The following RABL6 variants were observed in gnomAD, a reference collection of about 807,000 sequenced individuals.
RABL6 encodes RAB, member RAS oncogene family like 6, also known as rab-like protein 6.
RABL6 carries 28 observed loss-of-function variants against 72.9 expected under a neutral mutation model. The ratio of observed to expected loss-of-function variants is 0.38; its 90% CI spans 0.28 to 0.53. The LOEUF (loss-of-function observed/expected upper bound fraction) is 0.53. RABL6 is among the 20% of genes least tolerant of loss of function. The pLI is 0.80. For missense variants in RABL6, 1,029 were observed against 1,008.4 expected (o/e 1.02, Z -0.28); for synonymous variants, 477 against 421.2 (o/e 1.13, Z -1.62).
intron 1 of RABL6, chr9:136,821,655 G>C (rs1848240398): frequency 2.0e-6 from 2 of 989,176 alleles, no homozygotes; most frequent in Non-Finnish European, 2.4e-6. Context: ...GGCCCGTCTC[G>C]GGCCTCCCGC....
chr9:136,823,445 C>G, intron 1 of RABL6, 80 bp from the exon 2 acceptor site: 4 of 1,554,400 alleles, frequency 2.6e-6, no homozygotes, highest in Non-Finnish European at 3.5e-6. Context: ...AGAACCGGCT[C>G]TCCTTGTAGT....
chr9:136,828,454 AG>A, intron 3 of RABL6, 39 bp from the exon 4 acceptor site: 3 of 1,608,580 alleles, frequency 1.9e-6, no homozygotes, highest in Non-Finnish European at 2.5e-6. Flanking sequence ...CCCAAGGCCC[AG>A]GGGTTCCACC....
chr9:136,821,763 C>G, intron 1 of RABL6: 1 of 1,155,472 alleles, frequency 8.7e-7, no homozygotes. Context: ...GGCTGGAGGG[C>G]GCTGCAGGCG....
intron 1 of RABL6, among the ~76,000 whole-genome samples, chr9:136,812,552 T>G (rs910058481): frequency 6.6e-6 from 1 of 151,676 alleles, no homozygotes; most frequent in Non-Finnish European, 1.5e-5. Context: ...GAGTGAGACT[T>G]CGTCTTAAAA....
intron 1 of RABL6, among the ~76,000 whole-genome samples, chr9:136,816,397 G>C (rs1049496688): frequency 2.0e-5 from 3 of 151,596 alleles, no homozygotes; most frequent in Non-Finnish European, 2.9e-5. Flanking sequence ...GAGCCACTGC[G>C]ACCAGCCTAA....
At chr9:136,839,969 G>A (rs1032414348) in intron 13 of RABL6, 104 bp downstream of exon 13, 2 of 1,510,144 alleles carry the variant, frequency 1.3e-6, no homozygotes, top group African/African-American at 2.8e-5. Flanking sequence ...CTGAGTCCAG[G>A]ATGCTGTGCC....
chr9:136,827,086 C>T (rs1349741613), intron 3 of RABL6: 1 of 152,216 alleles, frequency 6.6e-6, no homozygotes. Context: ...TCTGGGGTTA[C>T]ATGTGTACCC....
intron 7 of RABL6, among the ~76,000 whole-genome samples, chr9:136,834,980 A>C (rs1366397920): frequency 1.3e-5 from 2 of 151,984 alleles, no homozygotes; most frequent in Non-Finnish European, 2.9e-5. Flanking sequence ...CAAAAAAAAA[A>C]AAAGGAGAGG....
In RABL6 at chr9:136,834,675, T is replaced by C. The variant is rs1448282233; in HGVS notation, c.706-1067T>C. Among the ~76,000 whole-genome samples, 9 of 152,242 alleles carry C rather than the reference T, an allele frequency of 5.9e-5. No individual in the cohort carries two copies. The South Asian group carries it at 1.7e-3, about 28-fold the overall frequency. ...TGTATTTTTAGTAGGGACGGGGTTT[T>C]GCCATATTGGCCAGGACGGTCTCGA... On this transcript the variant is annotated intron_variant, in intron 7 of 14. Transcript: ENST00000311502.
chr9:136,831,679 C>T lies in RABL6; in HGVS notation c.459-42C>T, dbSNP rs201093966. The T allele has an allele frequency of 8.9e-5, 143 of 1,608,906 alleles. No individual in the cohort carries two copies. In the East Asian group the frequency reaches 1.2e-3, roughly 14 times the overall value. ...ACCTTTCCAGGGAGGGACAGGGCGT[C>T]GCAGGGCTGAAACTAAGCCAGGTCC... On this transcript the variant is annotated intron_variant, in intron 5 of 14. Transcript: ENST00000311502.
At position 136,835,425 on chromosome 9, in the gene RABL6, C is replaced by T. The variant is rs1177603083; in HGVS notation, c.706-317C>T. The stretch of plus-strand genomic sequence containing the variant: ...GGGCTTTGTTTCCCAGGTGAAGGTG[C>T]GGCTTCTTCACTCTTAGAGGTGCGT... On this transcript the variant is annotated intron_variant, in intron 7 of 14. Coordinates refer to ENST00000311502, the MANE Select transcript of RABL6 (RefSeq NM_024718.5). 5.1e-5 allele frequency: 12 copies of T among 237,272 alleles called. No individual in the cohort carries two copies. In the South Asian group the frequency reaches 9.4e-4, roughly 19 times the overall value. The allele number at this position is 237,272 out of a possible 1,614,324, so 14.7% of individuals were successfully genotyped here. A position where few individuals can be genotyped will look rare whatever the true frequency, so the allele number is the denominator to read the frequency against.
rs1328721014 is a variant in RABL6, at chr9:136,837,628, G to A, written c.1092G>A (p.Thr364=). The A allele has an allele frequency of 1.4e-5, 22 of 1,597,272 alleles. No individual in the cohort carries two copies. Among genetic ancestry groups the A allele is most frequent in the Admixed American group, 3.4e-5 (2 of 58,242 alleles). Residue 364 remains threonine (T), a synonymous_variant, in exon 9 of 15, where the codon ACG becomes ACA. Coordinates refer to ENST00000311502, the MANE Select transcript of RABL6 (RefSeq NM_024718.5). ...GCATCATCTCTAGGCTGTTTGGGAC[G>A]TCACCTGCCACCGAGGCAGCCCCTC... is the stretch of plus-strand genomic sequence containing the variant. ...RRSIISRLFG[T]SPATEAAPPP...
Position 136,808,177 on chromosome 9 carries a change from T to G in RABL6, c.-20T>G. ...CTGAGCTCGCCGGCCGCGCCCGGGC[T>G]GGGACGTCCGAGCGGGAAGATGTTT... is the stretch of plus-strand genomic sequence containing the variant. On this transcript the variant is annotated 5_prime_UTR_variant, in exon 1 of 15. Coordinates refer to ENST00000311502, the MANE Select transcript of RABL6 (RefSeq NM_024718.5). 6.7e-7 allele frequency: 1 copy of G among 1,500,780 alleles called. No individual in the cohort carries two copies. The highest frequency in any genetic ancestry group is 1.2e-5 in the South Asian group (1 of 80,378). The allele number at this position is 1,500,780 out of a possible 1,614,324, so 93.0% of individuals were successfully genotyped here. A position where few individuals can be genotyped will look rare whatever the true frequency, so the allele number is the denominator to read the frequency against.
At chr9:136,811,220 G>C (rs1200658740) in intron 1 of RABL6, among the ~76,000 whole-genome samples, 2 of 152,200 alleles carry the variant, frequency 1.3e-5, no homozygotes, top group African/African-American at 4.8e-5. Context: ...ATACATTTTA[G>C]ACATGAGACA....
intron 8 of RABL6, 35 bp from the exon 9 acceptor site, chr9:136,837,311 G>T (rs1488820399): frequency 1.3e-6 from 2 of 1,573,358 alleles, no homozygotes; most frequent in African/African-American, 2.7e-5. Context: ...GAGAGGCAGG[G>T]GAGCCAGGCT....
intron 7 of RABL6, chr9:136,832,797 G>A: frequency 3.1e-6 from 1 of 326,222 alleles, no homozygotes; most frequent in Non-Finnish European, 6.0e-6. Flanking sequence ...GGTACTCGCT[G>A]TTCACATCTC....
intron 3 of RABL6, 42 bp from the exon 4 acceptor site, chr9:136,828,452 C>A: frequency 1.2e-6 from 2 of 1,607,810 alleles, no homozygotes; most frequent in Non-Finnish European, 1.7e-6. Flanking sequence ...GGCCCAAGGC[C>A]CAGGGGTTCC....
chr9:136,837,789 G>C, intron 9 of RABL6, 73 bp from the exon 10 acceptor site: 1 of 1,541,000 alleles, frequency 6.5e-7, no homozygotes, highest in Non-Finnish European at 8.8e-7. Flanking sequence ...CATCCCGGGT[G>C]GGCCTGGCTT....
At chr9:136,823,454 G>T in intron 1 of RABL6, 71 bp from the exon 2 acceptor site, 1 of 1,579,258 alleles carries the variant, frequency 6.3e-7, no homozygotes, top group East Asian at 2.3e-5. Context: ...TCTCCTTGTA[G>T]TTGCTCTTAA....
Sources: allele counts gnomAD v4.1 joint callset (sites outside exome capture counted in the v4.1 genomes callset), GRCh38; gene constraint gnomAD v4.1.1; transcripts MANE v1.5; gene names NCBI Gene and HGNC (gene_info 2026-07-23, HGNC 2026-07-21).